DIS3L2: variants seen among roughly 807,000 people sequenced by gnomAD.
DIS3L2 encodes the protein DIS3-like exonuclease 2.
Under a neutral mutation model 97.5 loss-of-function variants are expected in DIS3L2, and 34 were observed. The observed-to-expected ratio is 0.35, with a 90% CI of 0.27 to 0.46. The LOEUF (loss-of-function observed/expected upper bound fraction) is 0.46. DIS3L2 is among the 20% of genes least tolerant of loss of function. DIS3L2 has a pLI of 1.00. For synonymous variants in DIS3L2, 435 were observed against 445.2 expected (o/e 0.98, Z 0.29); for missense variants, 1,038 against 1,146.0 (o/e 0.91, Z 1.36).
chr2:232,062,905 C>G (rs985594137), intron 5 of DIS3L2, among the ~76,000 whole-genome samples: 13 of 152,050 alleles, frequency 8.5e-5, no homozygotes, highest in Non-Finnish European at 1.8e-4. Context: ...ATGGATATCT[C>G]CAATTCTAAC....
At chr2:232,087,141 A>G (rs1373403532) in intron 5 of DIS3L2, among the ~76,000 whole-genome samples, 1 of 151,936 alleles carries the variant, frequency 6.6e-6, no homozygotes, top group Non-Finnish European at 1.5e-5. Context: ...CTAACTTACT[A>G]ATTGTTCCTA....
chr2:232,022,429 C>A (rs1197461840), intron 3 of DIS3L2, among the ~76,000 whole-genome samples: 4 of 152,144 alleles, frequency 2.6e-5, no homozygotes, highest in Admixed American at 1.3e-4. Flanking sequence ...CAGCCCTGAG[C>A]AACCTGTCTC....
At chr2:232,341,395 C>T (rs1696099093), downstream of DIS3L2, among the ~76,000 whole-genome samples, 1 of 152,188 alleles carries the variant, frequency 6.6e-6, no homozygotes, top group Non-Finnish European at 1.5e-5. Flanking sequence ...CGCATAGAGC[C>T]TCGGGTTGGA....
intron 6 of DIS3L2, among the ~76,000 whole-genome samples, chr2:232,127,904 CT>C (rs1208153531): frequency 6.6e-6 from 1 of 152,060 alleles, no homozygotes; most frequent in Non-Finnish European, 1.5e-5. Context: ...ATCATATGTC[CT>C]TTCCCCCTTC....
intron 5 of DIS3L2, among the ~76,000 whole-genome samples, chr2:232,048,764 A>G (rs1279478852): frequency 1.3e-5 from 2 of 151,686 alleles, no homozygotes; most frequent in African/African-American, 2.4e-5. Flanking sequence ...TGCCCGAAAT[A>G]TGTTTGTTGC....
chr2:232,268,099 A>C lies in DIS3L2; in HGVS notation c.1659+4659A>C, dbSNP rs1015737205. ...GGTTTGCAGGAAGCTGTGCACCATC[A>C]TGGGTCCCCTGACAGGTGGTTAGGT... On this transcript the variant is annotated intron_variant, in intron 13 of 20. Coordinates refer to ENST00000325385, the MANE Select transcript of DIS3L2 (RefSeq NM_152383.5). The surrounding 1 kb of genome is among the most constrained non-coding windows in gnomAD (Gnocchi z 4.1). Among the ~76,000 whole-genome samples the C allele has an allele frequency of 2.6e-5, 4 of 152,142 alleles. No individual in the cohort carries two copies.
chr2:231,965,925 C>T lies in DIS3L2; in HGVS notation c.-94+4160C>T, dbSNP rs973742541. On this transcript the variant is annotated intron_variant, in intron 1 of 20. Coordinates refer to ENST00000325385, the MANE Select transcript of DIS3L2 (RefSeq NM_152383.5). The stretch of plus-strand genomic sequence containing the variant: ...CCTCGACCTTCTGGGCTCAGGCGAT[C>T]CTCCTGCTTCAACCTCCCGAAGTTC... Among the ~76,000 whole-genome samples, 3 of 151,580 alleles carry T rather than the reference C, an allele frequency of 2.0e-5. No homozygotes were observed. In the East Asian group the frequency reaches 5.9e-4, roughly 30 times the overall value.
intron 9 of DIS3L2, among the ~76,000 whole-genome samples, chr2:232,190,105 A>G (rs1185840364): frequency 6.6e-6 from 1 of 152,170 alleles, no homozygotes; most frequent in African/African-American, 2.4e-5. Context: ...AGACAGGAAG[A>G]TTGCTTGAAT....
intron 6 of DIS3L2, among the ~76,000 whole-genome samples, chr2:232,129,839 C>T (rs572263354): frequency 2.0e-4 from 31 of 152,340 alleles, no homozygotes; most frequent in Non-Finnish European, 3.4e-4. Flanking sequence ...GAATCCCTAA[C>T]ATAGTTGGAT....
At chr2:232,250,772 AGAG>A (rs1693394686) in intron 12 of DIS3L2, among the ~76,000 whole-genome samples, 1 of 152,194 alleles carries the variant, frequency 6.6e-6, no homozygotes, top group Admixed American at 6.5e-5. Context: ...CTGAACGTTA[AGAG>A]TGTCAGCTTT....
intron 16 of DIS3L2, 85 bp downstream of exon 16, chr2:232,330,861 C>G: frequency 7.6e-7 from 1 of 1,319,250 alleles, no homozygotes; most frequent in Non-Finnish European, 1.1e-6. Context: ...AGCACAGGCC[C>G]CCACCGTTCC....
intron 9 of DIS3L2, among the ~76,000 whole-genome samples, chr2:232,183,312 C>T (rs1351616533): frequency 1.3e-5 from 2 of 152,246 alleles, no homozygotes; most frequent in Non-Finnish European, 2.9e-5. Context: ...TTTGAAGCTA[C>T]TGAAATCTCT....
intron 1 of DIS3L2, among the ~76,000 whole-genome samples, chr2:231,987,204 C>T (rs1414076270): frequency 6.6e-6 from 1 of 152,194 alleles, no homozygotes; most frequent in Non-Finnish European, 1.5e-5. Flanking sequence ...GAAAGAGCTC[C>T]ACTATCCCTG....
chr2:232,293,807 G>A lies in DIS3L2; in HGVS notation c.1660-6233G>A, dbSNP rs1379833037. Among the ~76,000 whole-genome samples the A allele has an allele frequency of 6.6e-6, 1 of 152,196 alleles. No individual in the cohort carries two copies. Among genetic ancestry groups the A allele is most frequent in the Non-Finnish European group, 1.5e-5 (1 of 68,042 alleles). On this transcript the variant is annotated intron_variant, in intron 13 of 20. Coordinates refer to ENST00000325385, the MANE Select transcript of DIS3L2 (RefSeq NM_152383.5). This position sits in a 1 kb window ranked among gnomAD's most constrained non-coding sequence, Gnocchi z 4.6. ...CTCCAAAAGCAGGAAGCCGTCAAAGGTACTAAAGAGGGAAGTGTTACCAGG... is the reference window on the plus strand; with the variant it reads ...CTCCAAAAGCAGGAAGCCGTCAAAGATACTAAAGAGGGAAGTGTTACCAGG...
chr2:232,001,715 CTTTTTTTTTTT>C (rs36048859), intron 1 of DIS3L2, among the ~76,000 whole-genome samples: 1 of 60,044 alleles, frequency 1.7e-5, no homozygotes, highest in Non-Finnish European at 3.4e-5. Flanking sequence ...ATCTTTAATT[CTTTTTTTTTTT>C]TTTTTTTTTT....
intron 5 of DIS3L2, among the ~76,000 whole-genome samples, chr2:232,079,748 A>G: frequency 6.6e-6 from 1 of 152,208 alleles, no homozygotes; most frequent in South Asian, 2.1e-4. Context: ...AGACTTCAAC[A>G]AAACAAGAGG....
At chr2:232,113,204 A>G (rs1559641854) in intron 6 of DIS3L2, among the ~76,000 whole-genome samples, 1 of 152,208 alleles carries the variant, frequency 6.6e-6, no homozygotes, top group East Asian at 1.9e-4. Context: ...GAAAAACTAT[A>G]ATACACCTGT....
At chr2:232,340,385 A>C (rs1186177805), downstream of DIS3L2, among the ~76,000 whole-genome samples, 1 of 152,148 alleles carries the variant, frequency 6.6e-6, no homozygotes, top group African/African-American at 2.4e-5. Context: ...GGATGGCTGG[A>C]ATCATTGTTG....
chr2:232,138,583 G>A (rs972523846), intron 8 of DIS3L2, among the ~76,000 whole-genome samples: 2 of 152,028 alleles, frequency 1.3e-5, no homozygotes, highest in Admixed American at 1.3e-4. Flanking sequence ...GTTGGTGGTC[G>A]CCTTGCCATT....
Sources: allele counts gnomAD v4.1 joint callset (sites outside exome capture counted in the v4.1 genomes callset), GRCh38; gene constraint gnomAD v4.1.1; non-coding constraint Gnocchi (gnomAD v3.1); transcripts MANE v1.5; gene names NCBI Gene and HGNC (gene_info 2026-07-23, HGNC 2026-07-21).